AKAP19: variants seen among roughly 807,000 people sequenced by gnomAD.
The protein encoded by AKAP19 is A-kinase anchoring protein 19.
the AKAP19 span, among the ~76,000 whole-genome samples, chr2:189,980,279 A>T: frequency 6.6e-6 from 1 of 152,230 alleles, no homozygotes; most frequent in East Asian, 1.9e-4. Context: ...ATGTAAATGA[A>T]GGCCATTATC....
At chr2:190,127,189 C>G in the AKAP19 span, among the ~76,000 whole-genome samples, 1 of 127,460 alleles carries the variant, frequency 7.8e-6, no homozygotes, top group Non-Finnish European at 1.6e-5. Context: ...TGTGCCCTGA[C>G]TGGAAAAAAA....
the AKAP19 span, among the ~76,000 whole-genome samples, chr2:189,987,841 G>A: frequency 1.1e-4 from 17 of 152,074 alleles, no homozygotes; most frequent in African/African-American, 2.4e-4. Context: ...CACCTTGCCC[G>A]CTGCCTAGAC....
the AKAP19 span, chr2:190,200,043 T>C: frequency 3.7e-6 from 6 of 1,613,988 alleles, no homozygotes; most frequent in Admixed American, 8.3e-5. Context: ...TCTTGGAATA[T>C]GCACACCGCC....
At chr2:189,948,529 G>C in the AKAP19 span, among the ~76,000 whole-genome samples, 1 of 152,156 alleles carries the variant, frequency 6.6e-6, no homozygotes. Context: ...ATTTCAGTCT[G>C]TCTCTTCTAG....
At chr2:190,192,452 C>CTGTGTGTG in the AKAP19 span, among the ~76,000 whole-genome samples, 1,904 of 145,326 alleles carry the variant, frequency 0.013, 29 homozygotes, top group African/African-American at 0.026. Flanking sequence ...AATTCAGAAT[C>CTGTGTGTG]TGTGTGTGTG....
chr2:190,177,615 G>T, the AKAP19 span, among the ~76,000 whole-genome samples: 2 of 152,144 alleles, frequency 1.3e-5, no homozygotes, highest in Non-Finnish European at 2.9e-5. The surrounding 1 kb of genome is among the most constrained non-coding windows in gnomAD (Gnocchi z 4.6). Context: ...TCTGCCTGAG[G>T]CAAAAATGGA....
chr2:189,942,773 A>T, the AKAP19 span, among the ~76,000 whole-genome samples: 1 of 152,256 alleles, frequency 6.6e-6, no homozygotes, highest in East Asian at 1.9e-4. Context: ...AAAGAGCTTG[A>T]CTGCATTCTG....
At chr2:189,944,680 G>A in the AKAP19 span, among the ~76,000 whole-genome samples, 117 of 152,166 alleles carry the variant, frequency 7.7e-4, no homozygotes, top group Non-Finnish European at 1.0e-3. Context: ...TATCATTAAC[G>A]AACAGATCAT....
the AKAP19 span, among the ~76,000 whole-genome samples, chr2:189,959,257 A>C: frequency 3.3e-5 from 5 of 152,142 alleles, no homozygotes; most frequent in Non-Finnish European, 5.9e-5. Flanking sequence ...TATCTTGTAA[A>C]ATTATACATG....
At chr2:190,108,317 G>T in the AKAP19 span, among the ~76,000 whole-genome samples, 1 of 152,032 alleles carries the variant, frequency 6.6e-6, no homozygotes, top group African/African-American at 2.4e-5. Flanking sequence ...CAACACGCCC[G>T]GCTAATTTTT....
the AKAP19 span, among the ~76,000 whole-genome samples, chr2:190,060,841 C>T: frequency 1.3e-5 from 2 of 151,992 alleles, no homozygotes; most frequent in East Asian, 3.9e-4. Flanking sequence ...ACCAATCAGT[C>T]TGGAAGAAGG....
the AKAP19 span, among the ~76,000 whole-genome samples, chr2:190,107,975 C>A: frequency 1.3e-5 from 2 of 152,166 alleles, no homozygotes; most frequent in South Asian, 4.1e-4. Context: ...AAAGGCAGTT[C>A]TCTTTACTGA....
At chr2:190,039,365 C>T in the AKAP19 span, among the ~76,000 whole-genome samples, 2 of 152,178 alleles carry the variant, frequency 1.3e-5, no homozygotes, top group Non-Finnish European at 2.9e-5. Flanking sequence ...AGGCGTGAGC[C>T]ACTGCGCCCA....
At chr2:190,083,019 A>G in the AKAP19 span, among the ~76,000 whole-genome samples, 1 of 152,226 alleles carries the variant, frequency 6.6e-6, no homozygotes, top group Non-Finnish European at 1.5e-5. Flanking sequence ...GGAATGGCTA[A>G]ACCAGGCTAT....
chr2:189,951,328 A>G, the AKAP19 span, among the ~76,000 whole-genome samples: 1 of 150,850 alleles, frequency 6.6e-6, no homozygotes. Context: ...CAGCCTCCCA[A>G]GTAGCTGGGA....
the AKAP19 span, among the ~76,000 whole-genome samples, chr2:190,042,156 T>A: frequency 1.3e-4 from 20 of 152,244 alleles, no homozygotes; most frequent in Admixed American, 1.3e-3. Flanking sequence ...CCAGGCTTTT[T>A]TTATTTGGTA....
chr2:189,948,544 T>C, the AKAP19 span, among the ~76,000 whole-genome samples: 17 of 152,354 alleles, frequency 1.1e-4, no homozygotes, highest in East Asian at 3.1e-3. Context: ...TTCTAGGCTC[T>C]ATTTTTTAAC....
At chr2:190,161,610 T>A in the AKAP19 span, among the ~76,000 whole-genome samples, 1 of 152,174 alleles carries the variant, frequency 6.6e-6, no homozygotes, top group Admixed American at 6.5e-5. Flanking sequence ...ACTCCTGGCT[T>A]AGAAATCAGT....
At chr2:190,143,249 A>G in the AKAP19 span, among the ~76,000 whole-genome samples, 1 of 127,150 alleles carries the variant, frequency 7.9e-6, no homozygotes, top group African/African-American at 3.0e-5. Context: ...TCTTGCAACC[A>G]CCCTGTATTA....
Sources: allele counts gnomAD v4.1 joint callset (sites outside exome capture counted in the v4.1 genomes callset), GRCh38; gene constraint gnomAD v4.1.1; non-coding constraint Gnocchi (gnomAD v3.1); transcripts MANE v1.5; gene names NCBI Gene and HGNC (gene_info 2026-07-23, HGNC 2026-07-21).